SMAD9: variants seen among roughly 807,000 people sequenced by gnomAD.
The protein encoded by SMAD9 is MAD homolog 9.
A neutral mutation model predicts 46.1 loss-of-function variants in SMAD9; 36 were observed. The ratio of observed to expected loss-of-function variants is 0.78; its 90% confidence interval spans 0.60 to 1.03. SMAD9 has a LOEUF of 1.03. SMAD9 is among the 50% of genes least tolerant of loss of function. The pLI is 0.00. For synonymous variants in SMAD9, 245 were observed against 237.1 expected, an observed-to-expected ratio of 1.03 and a Z score of -0.31; for missense variants, 572 against 599.8, an observed-to-expected ratio of 0.95 and a Z score of 0.48.
At chr13:36,890,533 T>A (rs149625523) in intron 1 of SMAD9, among the ~76,000 whole-genome samples, 1 of 152,344 alleles carries the variant, frequency 6.6e-6, no homozygotes, top group East Asian at 1.9e-4. Flanking sequence ...ACAGATAAAT[T>A]GTATTTTTCT....
intron 1 of SMAD9, among the ~76,000 whole-genome samples, chr13:36,896,629 T>C (rs902125036): frequency 6.6e-6 from 1 of 151,830 alleles, no homozygotes; most frequent in African/African-American, 2.4e-5. Context: ...TTTCTTCTCT[T>C]CCCTTCTCGG....
chr13:36,899,322 G>C (rs2058554726), intron 1 of SMAD9, among the ~76,000 whole-genome samples: 1 of 152,192 alleles, frequency 6.6e-6, no homozygotes, highest in African/African-American at 2.4e-5. Flanking sequence ...AATCAATAAT[G>C]TTAGGATTTC....
chr13:36,866,837 G>A (rs948500949), intron 4 of SMAD9, among the ~76,000 whole-genome samples: 3 of 152,090 alleles, frequency 2.0e-5, no homozygotes, highest in South Asian at 4.1e-4. Flanking sequence ...CATTAAGGTC[G>A]AGCAACACTT....
chr13:36,865,201 G>A (rs1219553361), intron 5 of SMAD9, among the ~76,000 whole-genome samples: 1 of 152,244 alleles, frequency 6.6e-6, no homozygotes, highest in Non-Finnish European at 1.5e-5. Context: ...ATCCTAGTTT[G>A]TAAGTTTTAG....
chr13:36,887,053 T>C (rs1267165916), intron 1 of SMAD9, among the ~76,000 whole-genome samples: 1 of 142,392 alleles, frequency 7.0e-6, no homozygotes, highest in African/African-American at 2.6e-5. Flanking sequence ...TTTTTTTTTT[T>C]TTTTTTTTTT....
rs1231927156 is a variant in SMAD9 at position 36,845,728 on chromosome 13, C to CA, written c.*2947dup. ...ATTTATTTTTTGAAACTCTTGGTAG[C>CA]AAAAGAAAAAGCTGATTAAAATATG... On this transcript the variant is annotated 3_prime_UTR_variant, in exon 7 of 7. Transcript: ENST00000379826. The CA allele has an allele frequency of 6.6e-6, 1 of 151,862 alleles. No individual in the cohort carries two copies. Among genetic ancestry groups the CA allele is most frequent in the African/African-American group, 2.4e-5 (1 of 41,314 alleles). 9.4% of individuals were successfully genotyped at this position (151,862 alleles called of 1,614,324 possible).
chr13:36,881,038 C>T (rs1266480309), intron 1 of SMAD9, among the ~76,000 whole-genome samples: 2 of 152,204 alleles, frequency 1.3e-5, no homozygotes, highest in Non-Finnish European at 2.9e-5. Context: ...TATACACTAT[C>T]ACACACCAAT....
intron 1 of SMAD9, among the ~76,000 whole-genome samples, chr13:36,899,241 G>A (rs997076744): frequency 3.9e-5 from 6 of 152,210 alleles, no homozygotes; most frequent in East Asian, 3.9e-4. Context: ...GGGAGAACTC[G>A]AAAATGACAG....
intron 2 of SMAD9, among the ~76,000 whole-genome samples, chr13:36,877,084 C>T (rs370594018): frequency 5.9e-5 from 9 of 152,148 alleles, no homozygotes; most frequent in African/African-American, 2.2e-4. Context: ...AAACTAAAGG[C>T]CAGGTATGGT....
chr13:36,860,053 T>G (rs757132717), intron 5 of SMAD9, among the ~76,000 whole-genome samples: 9 of 152,218 alleles, frequency 5.9e-5, no homozygotes, highest in Non-Finnish European at 1.2e-4. Flanking sequence ...GCAGCCATTC[T>G]TTATTCCTTT....
chr13:36,905,724 G>A lies in SMAD9; in HGVS notation c.-187+14392C>T, dbSNP rs531578820. On this transcript the variant is annotated intron_variant, in intron 1 of 6. Coordinates refer to ENST00000379826, the MANE Select transcript of SMAD9 (RefSeq NM_001127217.3). ...GGGGAGTTCGAGACTCCTGTGAGCCGAGATTGTACAACTGCACTCCAGCCT... is the reference window on the plus strand; with the variant it reads ...GGGGAGTTCGAGACTCCTGTGAGCCAAGATTGTACAACTGCACTCCAGCCT... Among the ~76,000 whole-genome samples the A allele has an allele frequency of 3.1e-5, 4 of 131,054 alleles. No homozygotes were observed. The South Asian group carries it at 7.7e-4, about 25-fold the overall frequency. The allele number at this position is 131,054 out of a possible 152,430, so 86.0% of individuals were successfully genotyped here. A position where few individuals can be genotyped will look rare whatever the true frequency, so the allele number is the denominator to read the frequency against.
intron 2 of SMAD9, among the ~76,000 whole-genome samples, chr13:36,876,723 G>C (rs1418043718): frequency 6.6e-6 from 1 of 152,152 alleles, no homozygotes; most frequent in African/African-American, 2.4e-5. Flanking sequence ...AAATGGGAAT[G>C]CAGCCTTCAA....
At chr13:36,919,880 G>A (rs1393270230) in intron 1 of SMAD9, among the ~76,000 whole-genome samples, 2 of 127,284 alleles carry the variant, frequency 1.6e-5, no homozygotes, top group Admixed American at 1.0e-4. Context: ...CGGGAACAAC[G>A]ACCGCCAAAA....
intron 1 of SMAD9, among the ~76,000 whole-genome samples, chr13:36,905,845 GTTTT>G (rs1566040051): frequency 8.3e-6 from 1 of 120,284 alleles, no homozygotes; most frequent in Non-Finnish European, 1.8e-5. Context: ...TTTTTTAAAA[GTTTT>G]GTTTATTGTT....
chr13:36,863,743 C>T (rs1474854305), intron 5 of SMAD9, among the ~76,000 whole-genome samples: 5 of 152,194 alleles, frequency 3.3e-5, no homozygotes, highest in Non-Finnish European at 7.3e-5. Context: ...CCAGGTGACA[C>T]ACAGGCTCTC....
At chr13:36,862,012 G>A (rs963248251) in intron 5 of SMAD9, among the ~76,000 whole-genome samples, 6 of 152,052 alleles carry the variant, frequency 3.9e-5, no homozygotes, top group African/African-American at 1.4e-4. Context: ...TTTCGAAAGT[G>A]TAAAGTCAGA....
intron 5 of SMAD9, among the ~76,000 whole-genome samples, chr13:36,854,815 TACCTC>T (rs2058107760): frequency 1.3e-5 from 2 of 152,216 alleles, no homozygotes; most frequent in African/African-American, 4.8e-5. Context: ...TCTTAACAAA[TACCTC>T]AGAGATCTAT....
chr13:36,847,142 CTCAA>C lies in SMAD9; in HGVS notation c.*1530_*1533del, dbSNP rs1566327251. ...TAACTGTAAGAGGTGACAGTAGTAGCTCAATCATATATCTTTCTCACATGATCAT... is the reference window on the plus strand; with the variant it reads ...TAACTGTAAGAGGTGACAGTAGTAGCTCATATATCTTTCTCACATGATCAT... On this transcript the variant is annotated 3_prime_UTR_variant, in exon 7 of 7. Transcript: ENST00000379826. 1.3e-5 allele frequency: 2 copies of C among 152,180 alleles called. No homozygotes were observed. The allele number at this position is 152,180 out of a possible 1,614,324, so 9.4% of individuals were successfully genotyped here. A position where few individuals can be genotyped will look rare whatever the true frequency, so the allele number is the denominator to read the frequency against.
intron 1 of SMAD9, among the ~76,000 whole-genome samples, chr13:36,908,078 A>G (rs988083725): frequency 1.3e-5 from 2 of 152,220 alleles, no homozygotes; most frequent in Non-Finnish European, 2.9e-5. Flanking sequence ...TAATGTAAAC[A>G]TATCCATTTT....
Sources: allele counts gnomAD v4.1 joint callset (sites outside exome capture counted in the v4.1 genomes callset), GRCh38; gene constraint gnomAD v4.1.1; transcripts MANE v1.5; gene names NCBI Gene and HGNC (gene_info 2026-07-23, HGNC 2026-07-21).